The following METTL15 variants were observed in gnomAD, a reference collection of about 807,000 sequenced individuals.
METTL15 encodes methyltransferase 15, mitochondrial 12S rRNA N4-cytidine.
A neutral mutation model predicts 38.3 loss-of-function variants in METTL15; 34 were observed. The ratio of observed to expected loss-of-function variants is 0.89; its 90% confidence interval spans 0.68 to 1.18. The LOEUF is 1.18. Among genes scored for constraint, METTL15 ranks in the 50% most tolerant of loss-of-function variants. The pLI, the probability that METTL15 is intolerant of heterozygous loss-of-function variation, is 0.00. For missense variants in METTL15, 438 were observed against 498.4 expected (o/e 0.88, Z 1.15); for synonymous variants, 162 against 170.9 (o/e 0.95, Z 0.41).
intron 3 of METTL15, among the ~76,000 whole-genome samples, chr11:28,341,399 G>A (rs1849951611): frequency 6.6e-6 from 1 of 152,122 alleles, no homozygotes; most frequent in African/African-American, 2.4e-5. Flanking sequence ...TTAATTCTAG[G>A]TGGAGGGATT....
rs374210103 is a variant in METTL15, at chr11:28,113,453, A to T, written c.119A>T (p.Tyr40Phe). Reference sequence around the variant, plus strand: ...AGAATACATACTACAGCAGAAAAATATAGAGAATATGAAGCCCGGGAGCAA... The same window carrying T: ...AGAATACATACTACAGCAGAAAAATTTAGAGAATATGAAGCCCGGGAGCAA... Reference protein sequence around the residue: ...PNRIHTTAEKYREYEAREQTD... With the variant: ...PNRIHTTAEKFREYEAREQTD... Residue 40 changes from tyrosine to phenylalanine, a missense_variant, in exon 3 of 7, where the codon TAT becomes TTT. By Grantham distance (22) the Tyr-to-Phe change is conservative. Coordinates refer to ENST00000407364, the MANE Select transcript of METTL15 (RefSeq NM_001113528.2). 2.6e-5 allele frequency: 42 copies of T among 1,611,766 alleles called. No individual in the cohort carries two copies. The highest frequency in any genetic ancestry group is 3.6e-5 in the Non-Finnish European group (42 of 1,179,512).
At chr11:28,192,809 GC>G (rs1027746398) in intron 3 of METTL15, among the ~76,000 whole-genome samples, 1 of 151,954 alleles carries the variant, frequency 6.6e-6, no homozygotes, top group Non-Finnish European at 1.5e-5. Context: ...GAATTATCTG[GC>G]CCCAAATGTC....
At chr11:28,247,971 A>C (rs182368496) in intron 4 of METTL15, among the ~76,000 whole-genome samples, 185 of 152,210 alleles carry the variant, frequency 1.2e-3, no homozygotes, top group African/African-American at 4.4e-3. Flanking sequence ...TAAGTTGTCA[A>C]AATATGTCTT....
intron 5 of METTL15, among the ~76,000 whole-genome samples, chr11:28,406,154 G>C (rs933938440): frequency 1.3e-5 from 2 of 152,068 alleles, no homozygotes; most frequent in Non-Finnish European, 1.5e-5. Context: ...GAATGTCAAT[G>C]GTAGTTTAAT....
chr11:28,115,259 G>A (rs7946186), intron 3 of METTL15, among the ~76,000 whole-genome samples: 7 of 150,822 alleles, frequency 4.6e-5, no homozygotes, highest in East Asian at 3.9e-4. Context: ...TTTCTTTCTC[G>A]TTTTCTTTTT....
At chr11:28,162,294 GA>G (rs1850493623) in intron 3 of METTL15, among the ~76,000 whole-genome samples, 1 of 152,090 alleles carries the variant, frequency 6.6e-6, no homozygotes, top group Non-Finnish European at 1.5e-5. Flanking sequence ...TTAGGTAAAA[GA>G]ATAAATTAGA....
At chr11:28,200,989 G>C (rs545894943) in intron 3 of METTL15, among the ~76,000 whole-genome samples, 21 of 152,024 alleles carry the variant, frequency 1.4e-4, no homozygotes, top group African/African-American at 4.1e-4. Context: ...GTCTTGTACT[G>C]GTTTTCAAAG....
At chr11:28,493,403 C>T (rs932773399) in intron 6 of METTL15, among the ~76,000 whole-genome samples, 7 of 152,062 alleles carry the variant, frequency 4.6e-5, no homozygotes, top group African/African-American at 1.7e-4. Context: ...CTGAAGCTTC[C>T]GTTAGTTATT....
At chr11:28,475,181 A>G (rs1199178178) in intron 6 of METTL15, among the ~76,000 whole-genome samples, 1 of 152,224 alleles carries the variant, frequency 6.6e-6, no homozygotes, top group African/African-American at 2.4e-5. Context: ...ATGGAAGGCT[A>G]GAGGCCCTAT....
rs574202763 is a variant in METTL15, at chr11:28,405,806, A to C, written c.*359-18493A>C. Among the ~76,000 whole-genome samples the C allele has an allele frequency of 1.1e-4, 16 of 152,320 alleles. No individual in the cohort carries two copies. The East Asian group carries it at 3.1e-3, about 29-fold the overall frequency. ...CATTTCAAATGATTGTTGGAAATAC[A>C]TAGCCACTATTTTATGAAGGATTAT... On this transcript the variant is annotated intron_variant and NMD_transcript_variant, in intron 5 of 7. Coordinates refer to the METTL15 transcript ENST00000532947.
chr11:28,355,989 C>T (rs1850086774), intron 4 of METTL15, among the ~76,000 whole-genome samples: 1 of 152,138 alleles, frequency 6.6e-6, no homozygotes, highest in Non-Finnish European at 1.5e-5. Flanking sequence ...AGCTATTTTC[C>T]ACCTCAGGGC....
At chr11:28,395,502 T>G (rs1850558559) in intron 5 of METTL15, among the ~76,000 whole-genome samples, 1 of 152,056 alleles carries the variant, frequency 6.6e-6, no homozygotes, top group Non-Finnish European at 1.5e-5. Context: ...CTAGAAAATC[T>G]AGAAGAAATG....
chr11:28,432,064 C>A (rs1474727358), intron 6 of METTL15, among the ~76,000 whole-genome samples: 1 of 152,148 alleles, frequency 6.6e-6, no homozygotes, highest in Non-Finnish European at 1.5e-5. Flanking sequence ...CTTTCCACTG[C>A]AAAATCTTCT....
At chr11:28,506,518 A>G (rs914663729) in intron 6 of METTL15, among the ~76,000 whole-genome samples, 2 of 152,200 alleles carry the variant, frequency 1.3e-5, no homozygotes, top group Non-Finnish European at 2.9e-5. Flanking sequence ...AACTATTATT[A>G]TACATATTCT....
intron 6 of METTL15, among the ~76,000 whole-genome samples, chr11:28,454,929 G>A (rs1851155014): frequency 6.6e-6 from 1 of 152,158 alleles, no homozygotes; most frequent in African/African-American, 2.4e-5. Flanking sequence ...GAGGAAGATT[G>A]CCTGTCCCTT....
chr11:28,481,194 A>G (rs1219165618), intron 6 of METTL15, among the ~76,000 whole-genome samples: 4 of 152,164 alleles, frequency 2.6e-5, no homozygotes, highest in Non-Finnish European at 4.4e-5. Context: ...TGAACTTCAG[A>G]AAAATTTATT....
At chr11:28,209,845 T>C (rs989215300) in intron 3 of METTL15, among the ~76,000 whole-genome samples, 1 of 152,052 alleles carries the variant, frequency 6.6e-6, no homozygotes, top group Non-Finnish European at 1.5e-5. Context: ...TCCCTTGTTA[T>C]GTACTATGCA....
At chr11:28,460,485 A>C (rs1851205465) in intron 6 of METTL15, among the ~76,000 whole-genome samples, 1 of 152,112 alleles carries the variant, frequency 6.6e-6, no homozygotes, top group Non-Finnish European at 1.5e-5. Context: ...TATGAAAATA[A>C]AGGGAAAATA....
intron 4 of METTL15, among the ~76,000 whole-genome samples, chr11:28,267,019 G>A (rs895877468): frequency 6.6e-5 from 10 of 151,968 alleles, no homozygotes; most frequent in Admixed American, 2.6e-4. Context: ...AATTACCTGA[G>A]CGTGGTGGTG....
Sources: gnomAD v4.1 joint callset for allele counts (sites outside exome capture counted in the v4.1 genomes callset) on GRCh38, gnomAD v4.1.1 for gene constraint, MANE v1.5 for transcripts, NCBI Gene and HGNC (gene_info 2026-07-23, HGNC 2026-07-21) for gene names.